ZPBP: variants seen among roughly 807,000 people sequenced by gnomAD.
The protein encoded by ZPBP is zona pellucida-binding protein 1.
In ZPBP, 26 loss-of-function variants were observed where a neutral mutation model predicts 44.8. The observed-to-expected ratio is 0.58, with a 90% CI of 0.43 to 0.81. The LOEUF (loss-of-function observed/expected upper bound fraction) is 0.81, where lower values mean the gene tolerates loss of function less well. Among genes scored for constraint, ZPBP ranks in the 30% least tolerant of loss-of-function variants. The probability of loss-of-function intolerance (pLI) is 0.00; values close to 1 mark genes in which losing one functional copy is unlikely to be tolerated. For missense variants in ZPBP, 409 were observed against 434.0 expected (o/e 0.94, Z 0.51); for synonymous variants, 174 against 153.2 (o/e 1.14, Z -1.00).
intron 3 of ZPBP, among the ~76,000 whole-genome samples, chr7:50,075,260 T>G (rs930380585): frequency 1.1e-4 from 17 of 151,800 alleles, no homozygotes; most frequent in African/African-American, 4.1e-4. Context: ...ACCTATGGGA[T>G]ACAGCAAAAT....
intron 2 of ZPBP, among the ~76,000 whole-genome samples, chr7:49,873,906 TA>T (rs11326386): frequency 0.71 from 103,382 of 146,402 alleles, 36,429 homozygotes; most frequent in East Asian, 0.88. Context: ...TATAATTAAG[TA>T]AAAAAAAAAA....
At chr7:49,947,794 C>G (rs1353201923) in intron 7 of ZPBP, among the ~76,000 whole-genome samples, 4 of 152,220 alleles carry the variant, frequency 2.6e-5, no homozygotes, top group Non-Finnish European at 5.9e-5. Context: ...CCTTCACTTC[C>G]TGTTGGTAAG....
chr7:49,957,706 G>A (rs1476459573), intron 7 of ZPBP, among the ~76,000 whole-genome samples: 1 of 152,146 alleles, frequency 6.6e-6, no homozygotes, highest in Non-Finnish European at 1.5e-5. Context: ...CTTACCATAG[G>A]GGCAGAGCCA....
At position 50,089,699 on chromosome 7, in the gene ZPBP, C is replaced by G. The variant is rs772523819; in HGVS notation, c.138G>C (p.Leu46Phe). 32 of 1,609,836 alleles carry G rather than the reference C, an allele frequency of 2.0e-5. 1 individual carries two copies. Among genetic ancestry groups the G allele is most frequent in the Non-Finnish European group, 2.6e-5 (31 of 1,177,576 alleles). ...LVRVPSSVGH[L>F]VRLPRAFRLT... The stretch of plus-strand genomic sequence containing the variant: ...AGCGAAAAGCTCTTGGTAATCGAAC[C>G]AAGTGTCCAACTATCAAAAAAAAAG... Residue 46 changes from leucine to phenylalanine, a missense_variant, in exon 2 of 8, where the codon TTG becomes TTC. Transcript: ENST00000046087.
At chr7:50,054,572 T>C (rs1370123599) in intron 4 of ZPBP, among the ~76,000 whole-genome samples, 2 of 152,086 alleles carry the variant, frequency 1.3e-5, no homozygotes, top group Non-Finnish European at 2.9e-5. Flanking sequence ...ATTTTATTTT[T>C]CTAATTTTCT....
chr7:49,963,568 T>C (rs1583925585), intron 7 of ZPBP, among the ~76,000 whole-genome samples: 1 of 151,802 alleles, frequency 6.6e-6, no homozygotes, highest in South Asian at 2.1e-4. Context: ...GGGAACCATT[T>C]AGGGTGATGG....
At chr7:50,058,279 A>G (rs995653221) in intron 3 of ZPBP, 138 bp from the exon 4 acceptor site, 1 of 847,454 alleles carries the variant, frequency 1.2e-6, no homozygotes, top group Non-Finnish European at 1.9e-6. Context: ...AGGACATTAC[A>G]TCTGGTATCT....
At chr7:49,969,541 T>C (rs911125321) in intron 7 of ZPBP, among the ~76,000 whole-genome samples, 2 of 148,534 alleles carry the variant, frequency 1.3e-5, no homozygotes, top group African/African-American at 2.5e-5. Context: ...AATGAAATTA[T>C]TCCAATTCAT....
At chr7:49,929,398 G>A (rs919235257) in intron 1 of ZPBP, among the ~76,000 whole-genome samples, 15 of 152,146 alleles carry the variant, frequency 9.9e-5, no homozygotes, top group Middle Eastern at 3.2e-3. Context: ...AAATCTGGCC[G>A]ATGACAGCCT....
chr7:49,981,602 A>AATTAT (rs1796951964), intron 7 of ZPBP, among the ~76,000 whole-genome samples: 1 of 36,072 alleles, frequency 2.8e-5, no homozygotes, highest in Non-Finnish European at 4.5e-5. Context: ...TAATTATATA[A>AATTAT]ATTATATAAT....
rs1043816296 is a variant in ZPBP at position 50,082,240 on chromosome 7, C to G, written c.209-341G>C. The stretch of plus-strand genomic sequence containing the variant: ...ACAAAGTATTAAGATAATACTATAT[C>G]TACACTTTATCTGTTTTGTAAAGAC... On this transcript the variant is annotated intron_variant, in intron 2 of 7. Coordinates refer to ENST00000046087, the MANE Select transcript of ZPBP (RefSeq NM_007009.3). 4.6e-5 allele frequency among the ~76,000 whole-genome samples: 7 copies of G among 151,826 alleles called. No homozygotes were observed. The East Asian group carries it at 1.2e-3, about 25-fold the overall frequency.
rs1006316402 is a variant in ZPBP at position 49,875,049 on chromosome 7, GA to G, written n.510-24536del. Among the ~76,000 whole-genome samples the G allele has an allele frequency of 4.4e-3, 651 of 146,938 alleles. 6 individuals carry two copies. The highest frequency in any genetic ancestry group is 9.8e-3 in the African/African-American group (395 of 40,226). ...AAACAGTTTATGAACTTGTTTCTGTGAAAAAAAAAAGAGCTTCCAACATAAA... is the reference window on the plus strand; with the variant it reads ...AAACAGTTTATGAACTTGTTTCTGTGAAAAAAAAAGAGCTTCCAACATAAA... On this transcript the variant is annotated intron_variant and non_coding_transcript_variant, in intron 2 of 2. Coordinates refer to the ZPBP transcript ENST00000465922.
downstream of ZPBP, among the ~76,000 whole-genome samples, chr7:49,846,448 T>G (rs1789949267): frequency 6.6e-6 from 1 of 152,130 alleles, no homozygotes. Flanking sequence ...AACATAAAGT[T>G]CTCCCTCACT....
chr7:49,941,487 T>C (rs182619288), intron 7 of ZPBP, among the ~76,000 whole-genome samples: 1 of 152,234 alleles, frequency 6.6e-6, no homozygotes, highest in East Asian at 1.9e-4. Flanking sequence ...ATCAGTTATG[T>C]TTGTGTACAT....
At chr7:49,905,550 GTTTT>G (rs1793039587) in intron 1 of ZPBP, among the ~76,000 whole-genome samples, 1 of 152,162 alleles carries the variant, frequency 6.6e-6, no homozygotes, top group Non-Finnish European at 1.5e-5. Flanking sequence ...TTAAAAAAGA[GTTTT>G]ATTTATTTGT....
intron 6 of ZPBP, among the ~76,000 whole-genome samples, chr7:50,001,926 C>A (rs1358066825): frequency 1.3e-5 from 2 of 152,034 alleles, no homozygotes; most frequent in Non-Finnish European, 2.9e-5. Flanking sequence ...ATTTTTTTTA[C>A]ATAGGTCTTG....
chr7:50,023,357 A>T (rs958746586), intron 5 of ZPBP, among the ~76,000 whole-genome samples: 6 of 152,070 alleles, frequency 3.9e-5, no homozygotes, highest in Non-Finnish European at 8.8e-5. Context: ...GTATAATGCC[A>T]TGGTGTTATT....
intron 3 of ZPBP, among the ~76,000 whole-genome samples, chr7:50,068,731 G>C (rs538813590): frequency 6.6e-6 from 1 of 152,130 alleles, no homozygotes; most frequent in Non-Finnish European, 1.5e-5. Flanking sequence ...CACCTATGGA[G>C]CTTCTAACTT....
At chr7:49,910,470 A>C (rs1793349060) in intron 1 of ZPBP, among the ~76,000 whole-genome samples, 1 of 152,202 alleles carries the variant, frequency 6.6e-6, no homozygotes, top group African/African-American at 2.4e-5. Flanking sequence ...GTTGAAGATA[A>C]AAGTTGAGGG....
Sources: allele counts gnomAD v4.1 joint callset (sites outside exome capture counted in the v4.1 genomes callset), GRCh38; gene constraint gnomAD v4.1.1; transcripts MANE v1.5; gene names NCBI Gene and HGNC (gene_info 2026-07-23, HGNC 2026-07-21).